The following DNAH6 variants were observed in gnomAD, a reference collection of about 807,000 sequenced individuals.
DNAH6 encodes the protein axonemal beta dynein heavy chain 6.
DNAH6 carries 340 observed loss-of-function variants against 491.4 expected under a neutral mutation model. That is an observed-to-expected ratio of 0.69 (90% confidence interval 0.63 to 0.76). DNAH6 has a LOEUF of 0.76. DNAH6 is among the 30% of genes least tolerant of loss of function. The pLI, the probability that DNAH6 is intolerant of heterozygous loss-of-function variation, is 0.00. For missense variants in DNAH6, 4,443 were observed against 4,972.2 expected, an observed-to-expected ratio of 0.89 and a Z score of 3.20; for synonymous variants, 1,603 against 1,686.1, an observed-to-expected ratio of 0.95 and a Z score of 1.21.
chr2:84,773,492 T>G (rs1675834321), intron 64 of DNAH6, among the ~76,000 whole-genome samples: 5 of 152,036 alleles, frequency 3.3e-5, no homozygotes, highest in Admixed American at 6.6e-5. Context: ...TGACTGAATA[T>G]CTTTGCTATT....
rs1042102196 is a variant in DNAH6, at chr2:84,814,094, T to G, written c.12122T>G (p.Phe4041Cys). ...ATAGAAGCTGCCAAGACAGTGCAAT[T>G]TGGACAAGAACTGCCCATGGACATG... ...AVIEAAKTVQ[F>C]GQELPMDMEL... The change falls in exon 75 of 77, where the codon TTT becomes TGT. Residue 4041 changes from phenylalanine to cysteine, a missense_variant. By Grantham distance (205) the Phe-to-Cys change is radical. Coordinates refer to ENST00000389394, the MANE Select transcript of DNAH6 (RefSeq NM_001370.2). 1 of 1,551,690 alleles carries G rather than the reference T, an allele frequency of 6.4e-7. No homozygotes were observed. The highest frequency in any genetic ancestry group is 1.2e-5 in the South Asian group (1 of 84,060).
chr2:84,526,464 C>T (rs2104436011), intron 3 of DNAH6, among the ~76,000 whole-genome samples: 1 of 152,202 alleles, frequency 6.6e-6, no homozygotes, highest in Middle Eastern at 3.4e-3. Flanking sequence ...GAACACTCAG[C>T]ACAGTGGGGT....
In DNAH6 at chr2:84,727,864, T is replaced by C; in HGVS notation, c.10168T>C (p.Trp3390Arg). The change falls in exon 61 of 77, where the codon TGG (tryptophan) becomes CGG (arginine). Residue 3390 changes from tryptophan (W) to arginine (R), a missense_variant. Around this residue, in one of 3 missense-constraint regions of DNAH6, gnomAD observed 1,463 missense variants for 1,656.6 expected, o/e 0.88. Transcript: ENST00000389394. ...RQQGTLSDAEWNFFLRGSAGL... is the reference protein window; with the variant it reads ...RQQGTLSDAERNFFLRGSAGL... ...GCAAGGAACCCTATCTGATGCTGAA[T>C]GGAATTTCTTTCTCCGAGGTTCTGC... 1.3e-6 allele frequency: 2 copies of C among 1,552,020 alleles called. No individual in the cohort carries two copies. The highest frequency in any genetic ancestry group is 1.7e-6 in the Non-Finnish European group (2 of 1,146,900).
chr2:84,804,703 TA>T (rs1289488783), intron 70 of DNAH6, among the ~76,000 whole-genome samples: 1 of 152,224 alleles, frequency 6.6e-6, no homozygotes, highest in African/African-American at 2.4e-5. Flanking sequence ...CTGATCAACT[TA>T]AAAATGTTTA....
At chr2:84,662,914 G>A (rs1284186522) in intron 37 of DNAH6, among the ~76,000 whole-genome samples, 3 of 152,146 alleles carry the variant, frequency 2.0e-5, no homozygotes, top group Admixed American at 2.0e-4. Flanking sequence ...GCTTCCAGAG[G>A]AAGGATCAGG....
chr2:84,605,033 C>G (rs530686800), intron 19 of DNAH6, among the ~76,000 whole-genome samples: 6 of 152,192 alleles, frequency 3.9e-5, no homozygotes, highest in African/African-American at 1.2e-4. Flanking sequence ...TGTCATCTAT[C>G]CAAGAAGAAG....
chr2:84,539,192 CT>C (rs1677996956), intron 4 of DNAH6, among the ~76,000 whole-genome samples: 1 of 152,068 alleles, frequency 6.6e-6, no homozygotes, highest in Admixed American at 6.6e-5. Flanking sequence ...AAAAACCCTC[CT>C]TCTGGTTAAT....
At chr2:84,679,557 A>G (rs1693577504) in intron 41 of DNAH6, among the ~76,000 whole-genome samples, 1 of 152,234 alleles carries the variant, frequency 6.6e-6, no homozygotes, top group South Asian at 2.1e-4. Flanking sequence ...TGCTTATGCC[A>G]AAGAATCCTC....
chr2:84,686,607 ATTAT>A (rs1694283461), intron 44 of DNAH6, 50 bp downstream of exon 44: 5 of 1,099,314 alleles, frequency 4.5e-6, no homozygotes, highest in Non-Finnish European at 6.6e-6. Flanking sequence ...TAAAGCATTT[ATTAT>A]TTTCCAATTC....
chr2:84,763,797 TGG>T (rs1559013841), intron 64 of DNAH6, among the ~76,000 whole-genome samples: 3,147 of 148,952 alleles, frequency 0.021, 115 homozygotes, highest in African/African-American at 0.073. Context: ...AGGCAACAAC[TGG>T]AAACTCAGCA....
At chr2:84,671,611 T>A (rs1692745368) in intron 39 of DNAH6, among the ~76,000 whole-genome samples, 1 of 152,192 alleles carries the variant, frequency 6.6e-6, no homozygotes, top group Admixed American at 6.5e-5. Context: ...CCCCAAATTC[T>A]TACAAAGGTT....
intron 47 of DNAH6, 45 bp from the exon 48 acceptor site, chr2:84,699,549 C>T: frequency 1.3e-6 from 2 of 1,504,274 alleles, no homozygotes; most frequent in Non-Finnish European, 1.8e-6. Context: ...TTCATTGTTG[C>T]TTAATCATTA....
the DNAH6 span, among the ~76,000 whole-genome samples, chr2:84,471,174 A>G: frequency 2.0e-5 from 3 of 152,102 alleles, no homozygotes; most frequent in South Asian, 2.1e-4. Context: ...TTTTCCCAAC[A>G]TGCTCCCCTT....
intron 4 of DNAH6, among the ~76,000 whole-genome samples, chr2:84,541,413 A>T (rs1573550975): frequency 6.6e-6 from 1 of 152,196 alleles, no homozygotes; most frequent in East Asian, 1.9e-4. Context: ...TGGAAAAATA[A>T]TTCCATTAAA....
rs753364661 is a variant in DNAH6 at position 84,784,339 on chromosome 2, T to C, written c.10865-383T>C. The stretch of plus-strand genomic sequence containing the variant: ...TTTTTGGCCATTTTCATGCAACTTG[T>C]GTTAAATTGAAGGGTCAAAAAATCC... On this transcript the variant is annotated intron_variant, in intron 65 of 76. Coordinates refer to ENST00000389394, the MANE Select transcript of DNAH6 (RefSeq NM_001370.2). Among the ~76,000 whole-genome samples, 19 of 152,186 alleles carry C rather than the reference T, an allele frequency of 1.2e-4. 1 individual carries two copies. Among genetic ancestry groups the C allele is most frequent in the Non-Finnish European group, 2.5e-4 (17 of 68,044 alleles).
intron 68 of DNAH6, among the ~76,000 whole-genome samples, chr2:84,793,074 C>T (rs1342661350): frequency 1.3e-5 from 2 of 152,076 alleles, no homozygotes; most frequent in Non-Finnish European, 2.9e-5. Context: ...AGCCAGCCCA[C>T]AGGGATGGGA....
chr2:84,679,865 A>G (rs1693615462), intron 41 of DNAH6, among the ~76,000 whole-genome samples: 2 of 152,230 alleles, frequency 1.3e-5, no homozygotes, highest in South Asian at 2.1e-4. Flanking sequence ...TGAGATATCT[A>G]GATATAGACA....
intron 35 of DNAH6, among the ~76,000 whole-genome samples, chr2:84,657,801 C>G (rs1273616356): frequency 6.6e-6 from 1 of 151,810 alleles, no homozygotes; most frequent in African/African-American, 2.4e-5. Context: ...ATCTGTATAC[C>G]TTTTATTTCC....
chr2:84,588,828 T>C lies in DNAH6; in HGVS notation c.2484T>C (p.Asp828=), dbSNP rs1228123512. The change falls in exon 16 of 77, where the codon GAT becomes GAC. Residue 828 remains aspartate, a splice_region_variant and synonymous_variant. Transcript: ENST00000389394. ...CAAAAACTGTCTTAAATTTATAGGA[T>C]CCACAGATTTTAGATATCTCTGCTG... The part of the protein sequence containing the change: ...EVNEVKLQAQ[D]PQILDISADQ... 2.6e-6 allele frequency: 4 copies of C among 1,536,190 alleles called. No individual in the cohort carries two copies. Among genetic ancestry groups the C allele is most frequent in the Non-Finnish European group, 3.5e-6 (4 of 1,141,212 alleles).
Sources: gnomAD v4.1 joint callset for allele counts (sites outside exome capture counted in the v4.1 genomes callset) on GRCh38, gnomAD v4.1.1 for gene constraint, gnomAD v4.1.1 regional missense constraint, MANE v1.5 for transcripts, NCBI Gene and HGNC (gene_info 2026-07-23, HGNC 2026-07-21) for gene names.